Variants in OSBPL8 observed in about 807,000 individuals in gnomAD.
OSBPL8 encodes oxysterol-binding protein-related protein 8.
Under a neutral mutation model 125.5 loss-of-function variants are expected in OSBPL8, and 59 were observed. That is an observed-to-expected ratio of 0.47 (90% CI 0.38 to 0.58). The LOEUF is 0.58. Ranked by LOEUF, OSBPL8 falls within the 20% of genes least tolerant of loss-of-function variation. The pLI is 0.00. For synonymous variants in OSBPL8, 330 were observed against 338.9 expected (o/e 0.97, Z 0.29); for missense variants, 758 against 1,047.8 (o/e 0.72, Z 3.82).
chr12:76,408,235 G>A (rs1178715558), intron 5 of OSBPL8, among the ~76,000 whole-genome samples: 5 of 151,440 alleles, frequency 3.3e-5, no homozygotes, highest in African/African-American at 1.2e-4. Context: ...GCCGAGGCGG[G>A]CAGATTACAA....
chr12:76,407,746 A>G (rs1485259993), intron 5 of OSBPL8, among the ~76,000 whole-genome samples: 1 of 152,218 alleles, frequency 6.6e-6, no homozygotes, highest in Non-Finnish European at 1.5e-5. Context: ...TATTCATAAG[A>G]AAATAAATTC....
At position 76,354,136 on chromosome 12, in the gene OSBPL8, T is replaced by C. The variant is rs1951907042; in HGVS notation, c.*1753A>G. On this transcript the variant is annotated 3_prime_UTR_variant, in exon 24 of 24. Coordinates refer to ENST00000261183, the MANE Select transcript of OSBPL8 (RefSeq NM_020841.5). Reference sequence around the variant, plus strand: ...AATGAATAGGCAGAGTGTAACAGAATGTGAATACAAAAATTATATTGACAA... The same window carrying C: ...AATGAATAGGCAGAGTGTAACAGAACGTGAATACAAAAATTATATTGACAA... The C allele has an allele frequency of 6.6e-6, 1 of 152,372 alleles. No homozygotes were observed. Among genetic ancestry groups the C allele is most frequent in the Admixed American group, 6.5e-5 (1 of 15,268 alleles). The allele number at this position is 152,372 out of a possible 1,614,324, so 9.4% of individuals were successfully genotyped here. A position where few individuals can be genotyped will look rare whatever the true frequency, so the allele number is the denominator to read the frequency against.
intron 4 of OSBPL8, among the ~76,000 whole-genome samples, chr12:76,436,289 A>C (rs1043573887): frequency 4.6e-5 from 7 of 152,130 alleles, no homozygotes; most frequent in Non-Finnish European, 5.9e-5. Flanking sequence ...TGTCCTTAAG[A>C]AGCTCTTTTG....
At chr12:76,454,327 T>C (rs1337232222) in intron 3 of OSBPL8, among the ~76,000 whole-genome samples, 2 of 152,202 alleles carry the variant, frequency 1.3e-5, no homozygotes, top group African/African-American at 4.8e-5. Flanking sequence ...TATAATGAAA[T>C]AGTATATAGC....
intron 4 of OSBPL8, among the ~76,000 whole-genome samples, chr12:76,432,985 C>T (rs1592673306): frequency 6.6e-6 from 1 of 152,146 alleles, no homozygotes; most frequent in Non-Finnish European, 1.5e-5. Context: ...ACCACATGAT[C>T]ACTTTAGTAA....
intron 1 of OSBPL8, among the ~76,000 whole-genome samples, chr12:76,507,536 T>C (rs1424205978): frequency 6.6e-6 from 1 of 151,680 alleles, no homozygotes; most frequent in Non-Finnish European, 1.5e-5. Flanking sequence ...GAAGCAAAAA[T>C]GTGCCGGGTG....
At position 76,559,730 on chromosome 12, in the gene OSBPL8, G is replaced by C. The variant is rs1353358482; in HGVS notation, c.-401C>G. On this transcript the variant is annotated 5_prime_UTR_variant, in exon 1 of 24. Transcript: ENST00000261183. ...ACAGCCGCCGCCTGGCCAGGAGCGC[G>C]TCGCGGCCTAATGTTGTCATCCGCC... is the stretch of plus-strand genomic sequence containing the variant. The C allele has an allele frequency of 1.3e-5, 2 of 152,240 alleles. No individual in the cohort carries two copies. The highest frequency in any genetic ancestry group is 6.5e-5 in the Admixed American group (1 of 15,282). The allele number at this position is 152,240 out of a possible 1,614,324, so 9.4% of individuals were successfully genotyped here.
At chr12:76,522,089 A>G (rs529875490) in intron 1 of OSBPL8, among the ~76,000 whole-genome samples, 2 of 152,300 alleles carry the variant, frequency 1.3e-5, no homozygotes, top group African/African-American at 4.8e-5. Flanking sequence ...AATGAAATCA[A>G]TTGTAATACT....
intron 2 of OSBPL8, among the ~76,000 whole-genome samples, chr12:76,478,210 A>AG (rs1398720882): frequency 1.3e-5 from 2 of 152,180 alleles, no homozygotes; most frequent in African/African-American, 4.8e-5. Flanking sequence ...TAAAAAAAAA[A>AG]GAATTCACAA....
At chr12:76,366,782 T>C (rs191427532) in intron 21 of OSBPL8, among the ~76,000 whole-genome samples, 7 of 151,938 alleles carry the variant, frequency 4.6e-5, no homozygotes, top group Admixed American at 6.6e-5. Context: ...CTTTGACCCA[T>C]TGAGTTTGTT....
chr12:76,398,679 C>A (rs1211451033), intron 7 of OSBPL8, among the ~76,000 whole-genome samples: 1 of 152,102 alleles, frequency 6.6e-6, no homozygotes, highest in Non-Finnish European at 1.5e-5. Flanking sequence ...TGTAAAACAT[C>A]TGTTATTTCA....
chr12:76,555,249 T>C (rs1592915839), intron 1 of OSBPL8, among the ~76,000 whole-genome samples: 1 of 152,118 alleles, frequency 6.6e-6, no homozygotes, highest in Admixed American at 6.5e-5. Context: ...ACAAATTACG[T>C]AGAGAAAAAA....
rs913157071 is a variant in OSBPL8 at position 76,557,704 on chromosome 12, A to G, written c.-68+1693T>C. Among the ~76,000 whole-genome samples the G allele has an allele frequency of 2.0e-5, 3 of 152,274 alleles. No homozygotes were observed. The South Asian group carries it at 6.2e-4, about 32-fold the overall frequency. On this transcript the variant is annotated intron_variant, in intron 1 of 23. Transcript: ENST00000261183. ...TTAAAGCAAACTAAAACATAAATTCATTATACACAATTGTAAATTTATCCC... is the reference window on the plus strand; with the variant it reads ...TTAAAGCAAACTAAAACATAAATTCGTTATACACAATTGTAAATTTATCCC...
intron 1 of OSBPL8, among the ~76,000 whole-genome samples, chr12:76,508,393 G>C (rs1880638603): frequency 6.6e-6 from 1 of 152,190 alleles, no homozygotes; most frequent in Admixed American, 6.5e-5. Context: ...GTCTCATTAA[G>C]ATTTACTATG....
rs938289571 is a variant in OSBPL8, at chr12:76,353,044, C to T, written c.*2845G>A. 6.6e-6 allele frequency: 1 copy of T among 152,254 alleles called. No homozygotes were observed. Among genetic ancestry groups the T allele is most frequent in the African/African-American group, 2.4e-5 (1 of 41,390 alleles). The allele number at this position is 152,254 out of a possible 1,614,324, so 9.4% of individuals were successfully genotyped here. ...CCCTTTTATGACAAGCCTATAAACACCTTGAATCACATTATAGTTCTGTAA... is the reference window on the plus strand; with the variant it reads ...CCCTTTTATGACAAGCCTATAAACATCTTGAATCACATTATAGTTCTGTAA... On this transcript the variant is annotated 3_prime_UTR_variant, in exon 24 of 24. Coordinates refer to ENST00000261183, the MANE Select transcript of OSBPL8 (RefSeq NM_020841.5).
intron 7 of OSBPL8, among the ~76,000 whole-genome samples, chr12:76,398,157 C>A (rs1413602218): frequency 6.6e-6 from 1 of 152,158 alleles, no homozygotes; most frequent in African/African-American, 2.4e-5. Flanking sequence ...TTCCTAATCT[C>A]CCTGACCAGG....
chr12:76,543,617 T>C (rs2137440561), intron 1 of OSBPL8, among the ~76,000 whole-genome samples: 1 of 152,208 alleles, frequency 6.6e-6, no homozygotes, highest in Non-Finnish European at 1.5e-5. Context: ...TCACATATAA[T>C]GCTAAGATAA....
chr12:76,534,595 T>C (rs561169029), intron 1 of OSBPL8, among the ~76,000 whole-genome samples: 1 of 152,286 alleles, frequency 6.6e-6, no homozygotes, highest in South Asian at 2.1e-4. Flanking sequence ...AGGAAGTCCC[T>C]GGTGGTGGCA....
intron 17 of OSBPL8, 131 bp from the exon 18 acceptor site, chr12:76,373,564 AAT>A (rs1300442339): frequency 1.6e-5 from 8 of 491,140 alleles, no homozygotes; most frequent in Admixed American, 4.0e-5. Flanking sequence ...GCAGTAAAAA[AAT>A]ACTGACTCAA....
Sources: allele counts gnomAD v4.1 joint callset (sites outside exome capture counted in the v4.1 genomes callset), GRCh38; gene constraint gnomAD v4.1.1; transcripts MANE v1.5; gene names NCBI Gene and HGNC (gene_info 2026-07-23, HGNC 2026-07-21).